KALRN: variants seen among roughly 807,000 people sequenced by gnomAD.
The protein encoded by KALRN is kalirin.
Under a neutral mutation model 353.7 loss-of-function variants are expected in KALRN, and 70 were observed. The observed-to-expected ratio is 0.20, with a 90% CI of 0.16 to 0.24. The LOEUF (loss-of-function observed/expected upper bound fraction) is 0.24. Ranked by LOEUF, KALRN falls within the 10% of genes least tolerant of loss-of-function variation. The probability of loss-of-function intolerance (pLI) is 1.00; values close to 1 mark genes in which losing one functional copy is unlikely to be tolerated. For missense variants in KALRN, 2,791 were observed against 3,756.7 expected (o/e 0.74, Z 6.72); for synonymous variants, 1,391 against 1,434.8 (o/e 0.97, Z 0.69).
At chr3:124,554,119 GCCAGGGTGGGAGGATCACTTCAGC>G (rs1172152494) in intron 33 of KALRN, among the ~76,000 whole-genome samples, 1 of 152,236 alleles carries the variant, frequency 6.6e-6, no homozygotes, top group Non-Finnish European at 1.5e-5. Context: ...ACTTTGGGAG[GCCAGGGTGGGAGGATCACTTCAGC>G]CCAGGAGTTC....
At chr3:124,679,618 A>G (rs758132795) in intron 51 of KALRN, 101 bp downstream of exon 51, 3 of 1,011,970 alleles carry the variant, frequency 3.0e-6, no homozygotes, top group Admixed American at 3.4e-5. Flanking sequence ...TCAAAGATAA[A>G]TTGTGATGTT....
At chr3:124,295,029 G>A (rs1033782120) in intron 5 of KALRN, among the ~76,000 whole-genome samples, 10 of 152,276 alleles carry the variant, frequency 6.6e-5, no homozygotes, top group African/African-American at 2.2e-4. Flanking sequence ...ACATGCACAC[G>A]CATGCATTCA....
At chr3:124,560,155 G>C (rs567368515) in intron 33 of KALRN, among the ~76,000 whole-genome samples, 6 of 152,368 alleles carry the variant, frequency 3.9e-5, no homozygotes, top group African/African-American at 1.2e-4. Context: ...GAGGGAAGTG[G>C]GTCTTGTATC....
At chr3:124,077,206 G>T (rs1206560632) in intron 1 of KALRN, among the ~76,000 whole-genome samples, 1 of 152,186 alleles carries the variant, frequency 6.6e-6, no homozygotes, top group Non-Finnish European at 1.5e-5. Flanking sequence ...AGTAGACCTG[G>T]GTGGACATGG....
At chr3:124,272,694 T>C (rs966254015) in intron 5 of KALRN, among the ~76,000 whole-genome samples, 1 of 152,126 alleles carries the variant, frequency 6.6e-6, no homozygotes. Flanking sequence ...GTTGAGTCAG[T>C]GGTGAAAATG....
At chr3:124,224,348 C>A (rs1460082504) in intron 1 of KALRN, among the ~76,000 whole-genome samples, 1 of 150,026 alleles carries the variant, frequency 6.7e-6, no homozygotes, top group Non-Finnish European at 1.5e-5. Context: ...ACAGAAAATA[C>A]ACTAATACTA....
At chr3:124,382,714 G>T (rs1454684713) in intron 10 of KALRN, among the ~76,000 whole-genome samples, 2 of 152,140 alleles carry the variant, frequency 1.3e-5, no homozygotes, top group Non-Finnish European at 2.9e-5. Flanking sequence ...TTCTTGCGGG[G>T]GGAATCCTGA....
intron 1 of KALRN, among the ~76,000 whole-genome samples, chr3:124,160,536 T>C (rs113096864): frequency 2.2e-4 from 33 of 152,204 alleles, no homozygotes; most frequent in African/African-American, 7.2e-4. Flanking sequence ...AATGACCCAA[T>C]TGGTTTTTTG....
chr3:124,624,272 T>C (rs926525274), intron 34 of KALRN, among the ~76,000 whole-genome samples: 1 of 152,212 alleles, frequency 6.6e-6, no homozygotes, highest in Non-Finnish European at 1.5e-5. Context: ...GTTACCCGTA[T>C]TTTACTAAAT....
At chr3:124,663,117 T>G (rs1435836737) in intron 45 of KALRN, among the ~76,000 whole-genome samples, 2 of 152,168 alleles carry the variant, frequency 1.3e-5, no homozygotes, top group Non-Finnish European at 2.9e-5. Context: ...GGCTAATTTT[T>G]TGTATTTTTA....
At chr3:124,335,128 G>A (rs1581087580) in intron 9 of KALRN, among the ~76,000 whole-genome samples, 1 of 152,060 alleles carries the variant, frequency 6.6e-6, no homozygotes. Context: ...CCACACTCAG[G>A]CAATGATTGC....
chr3:124,625,050 GT>G (rs1477765926), intron 34 of KALRN, among the ~76,000 whole-genome samples: 3 of 152,106 alleles, frequency 2.0e-5, no homozygotes, highest in African/African-American at 4.8e-5. Context: ...ATTAGGGGAG[GT>G]TTTTATGGTT....
intron 5 of KALRN, among the ~76,000 whole-genome samples, chr3:124,277,264 C>G (rs932623072): frequency 2.0e-5 from 3 of 152,148 alleles, no homozygotes; most frequent in African/African-American, 7.2e-5. Flanking sequence ...AGGGCAAGGC[C>G]TTTACGGGGT....
rs115261913 is a variant in KALRN, at chr3:124,092,436, C to T, written c.73+58623C>T. Among the ~76,000 whole-genome samples, 926 of 152,338 alleles carry T rather than the reference C, an allele frequency of 6.1e-3. 2 individuals carry two copies. The highest frequency in any genetic ancestry group is 0.01 in the Middle Eastern group (3 of 294). ...TTTGGCATTCTTACTTGGAGATGCA[C>T]TCTCTCTGCAGTTATAAGTCAGGGG... On this transcript the variant is annotated intron_variant, in intron 1 of 59. Coordinates refer to ENST00000682506, the MANE Select transcript of KALRN (RefSeq NM_001388419.1).
chr3:124,333,551 C>G (rs1409078522), intron 8 of KALRN, among the ~76,000 whole-genome samples: 1 of 152,094 alleles, frequency 6.6e-6, no homozygotes, highest in Non-Finnish European at 1.5e-5. Context: ...GACTTCATTT[C>G]TGAAATGAAG....
intron 6 of KALRN, among the ~76,000 whole-genome samples, chr3:124,320,872 C>G (rs1044580423): frequency 6.6e-6 from 1 of 152,154 alleles, no homozygotes; most frequent in African/African-American, 2.4e-5. Context: ...GCATGTGGGG[C>G]ATAGCCTGGT....
chr3:124,203,383 G>A (rs1349182590), intron 1 of KALRN, among the ~76,000 whole-genome samples: 1 of 152,194 alleles, frequency 6.6e-6, no homozygotes, highest in Non-Finnish European at 1.5e-5. Context: ...TTAAGACCAA[G>A]GGAACCAGGA....
chr3:124,655,736 A>G (rs1295038335), intron 39 of KALRN, 69 bp downstream of exon 39: 2 of 1,101,078 alleles, frequency 1.8e-6, no homozygotes, highest in African/African-American at 1.5e-5. Flanking sequence ...ACCTAGGCCA[A>G]GGTGTTTTAA....
At chr3:124,114,366 G>C (rs963067122) in intron 1 of KALRN, among the ~76,000 whole-genome samples, 3 of 152,178 alleles carry the variant, frequency 2.0e-5, no homozygotes, top group Non-Finnish European at 2.9e-5. Flanking sequence ...GCCCTGAGGA[G>C]AGGAACCCTG....
Sources: allele counts gnomAD v4.1 joint callset (sites outside exome capture counted in the v4.1 genomes callset), GRCh38; gene constraint gnomAD v4.1.1; transcripts MANE v1.5; gene names NCBI Gene and HGNC (gene_info 2026-07-23, HGNC 2026-07-21).